Variants in DAB1 observed in about 807,000 individuals in gnomAD.
DAB1 encodes DAB adaptor protein 1, also known as disabled homolog 1.
Under a neutral mutation model 64.6 loss-of-function variants are expected in DAB1, and 15 were observed. The ratio of observed to expected loss-of-function variants is 0.23; its 90% CI spans 0.16 to 0.36. The LOEUF is 0.36. Ranked by LOEUF, DAB1 falls within the 10% of genes least tolerant of loss-of-function variation. DAB1 has a pLI of 1.00. For missense variants in DAB1, 596 were observed against 706.7 expected (o/e 0.84, Z 1.78); for synonymous variants, 235 against 251.9 (o/e 0.93, Z 0.64).
At chr1:57,195,172 A>T (rs1013621995) in intron 2 of DAB1, among the ~76,000 whole-genome samples, 1 of 152,080 alleles carries the variant, frequency 6.6e-6, no homozygotes, top group African/African-American at 2.4e-5. Context: ...TCCTTCATCC[A>T]TCCATCATGT....
rs577202582 is a variant in DAB1 at position 58,432,229 on chromosome 1, G to A, written n.257+73831C>T. ...TGTGAATCTCTCTTTCTTAGGGATG[G>A]GAGGAACCCTCCCCTAGACACTCCA... On this transcript the variant is annotated intron_variant and non_coding_transcript_variant, in intron 3 of 20. Coordinates refer to the DAB1 transcript ENST00000485760. Among the ~76,000 whole-genome samples, 24 of 152,202 alleles carry A rather than the reference G, an allele frequency of 1.6e-4. No individual in the cohort carries two copies. In the South Asian group the frequency reaches 5.0e-3, roughly 32 times the overall value.
intron 4 of DAB1, among the ~76,000 whole-genome samples, chr1:57,112,641 A>G (rs996659019): frequency 1.4e-4 from 21 of 152,210 alleles, no homozygotes; most frequent in African/African-American, 5.1e-4. Flanking sequence ...TCCTTTGCAC[A>G]TGAGCTTTCA....
intron 2 of DAB1, among the ~76,000 whole-genome samples, chr1:57,230,085 T>G (rs1667555363): frequency 6.6e-6 from 1 of 152,200 alleles, no homozygotes; most frequent in Non-Finnish European, 1.5e-5. Flanking sequence ...AAATTTCAGT[T>G]CTGAACTCAA....
intron 7 of DAB1, among the ~76,000 whole-genome samples, chr1:57,561,306 C>T (rs965935217): frequency 6.6e-6 from 1 of 152,170 alleles, no homozygotes; most frequent in African/African-American, 2.4e-5. Flanking sequence ...CCCTGAAGGA[C>T]AGCAGTGAAG....
Position 57,258,276 on chromosome 1 carries a change from A to G in DAB1, c.67+32688T>C, listed in dbSNP as rs540635310. Among the ~76,000 whole-genome samples, 4 of 152,270 alleles carry G rather than the reference A, an allele frequency of 2.6e-5. No individual in the cohort carries two copies. In the South Asian group the frequency reaches 6.2e-4, roughly 24 times the overall value. ...GGAAACTGGGGCTCAGGGAAGAGAG[A>G]TTCTCACCAAAGGTCACACAGTAAG... On this transcript the variant is annotated intron_variant, in intron 2 of 14. Coordinates refer to ENST00000371236, the MANE Select transcript of DAB1 (RefSeq NM_001365792.1).
chr1:57,585,519 G>C (rs1645368631), intron 7 of DAB1, among the ~76,000 whole-genome samples: 2 of 152,128 alleles, frequency 1.3e-5, no homozygotes, highest in Non-Finnish European at 2.9e-5. Flanking sequence ...CATGAGCCAA[G>C]TAGTCTTCTT....
chr1:58,167,548 T>A (rs1417192566), intron 4 of DAB1, among the ~76,000 whole-genome samples: 1 of 152,260 alleles, frequency 6.6e-6, no homozygotes, highest in Non-Finnish European at 1.5e-5. Context: ...GAATAAAAGC[T>A]GGCCACCCAA....
intron 2 of DAB1, among the ~76,000 whole-genome samples, chr1:57,274,618 T>C (rs897619740): frequency 2.6e-5 from 4 of 152,240 alleles, no homozygotes; most frequent in African/African-American, 9.6e-5. Context: ...TCTTGCTCTG[T>C]TGCCCAGGCT....
intron 5 of DAB1, among the ~76,000 whole-genome samples, chr1:57,942,436 T>C (rs1272252324): frequency 6.6e-6 from 1 of 152,218 alleles, no homozygotes; most frequent in Non-Finnish European, 1.5e-5. Context: ...GGATTAAAGC[T>C]GATTTCTAAA....
At chr1:57,800,923 A>C (rs1651096239) in intron 6 of DAB1, among the ~76,000 whole-genome samples, 1 of 152,182 alleles carries the variant, frequency 6.6e-6, no homozygotes, top group African/African-American at 2.4e-5. Flanking sequence ...TTATTCATCT[A>C]TATACACAGG....
intron 7 of DAB1, among the ~76,000 whole-genome samples, chr1:57,438,394 GT>G (rs897496588): frequency 2.0e-5 from 3 of 150,674 alleles, no homozygotes; most frequent in Admixed American, 6.6e-5. Flanking sequence ...ATAGTGGTTT[GT>G]TTTTTTTTCC....
At chr1:57,981,670 T>C (rs748438001) in intron 5 of DAB1, among the ~76,000 whole-genome samples, 7 of 152,192 alleles carry the variant, frequency 4.6e-5, no homozygotes, top group Non-Finnish European at 1.0e-4. Flanking sequence ...CCAAATAGTA[T>C]CATGGATATC....
intron 1 of DAB1, among the ~76,000 whole-genome samples, chr1:57,409,680 G>A (rs1460049662): frequency 6.6e-6 from 1 of 152,074 alleles, no homozygotes; most frequent in East Asian, 1.9e-4. Flanking sequence ...ATGGTGGTGG[G>A]TGCCTGTAAT....
At chr1:57,897,839 C>G (rs568623313) in intron 5 of DAB1, among the ~76,000 whole-genome samples, 9 of 152,176 alleles carry the variant, frequency 5.9e-5, no homozygotes. Flanking sequence ...AAGTGGCTTG[C>G]CAGCAGCTAC....
intron 3 of DAB1, among the ~76,000 whole-genome samples, chr1:58,502,226 G>T (rs968952380): frequency 6.6e-6 from 1 of 152,168 alleles, no homozygotes; most frequent in African/African-American, 2.4e-5. Context: ...ATCAAAATTT[G>T]TGTTCTAATC....
intron 3 of DAB1, among the ~76,000 whole-genome samples, chr1:58,475,128 G>A (rs561553860): frequency 2.3e-4 from 35 of 152,184 alleles, no homozygotes; most frequent in Non-Finnish European, 4.0e-4. Flanking sequence ...GACAAGAGCC[G>A]TAATGGATTA....
At chr1:57,176,318 A>C (rs1467405114) in intron 2 of DAB1, among the ~76,000 whole-genome samples, 1 of 152,186 alleles carries the variant, frequency 6.6e-6, no homozygotes, top group Non-Finnish European at 1.5e-5. Context: ...CCTCACAGTC[A>C]TGATGGAAGG....
chr1:58,046,154 C>T (rs1647247732), intron 5 of DAB1, among the ~76,000 whole-genome samples: 1 of 152,058 alleles, frequency 6.6e-6, no homozygotes, highest in Admixed American at 6.5e-5. Context: ...TGGTAGATAC[C>T]AGAGACAGAA....
chr1:57,057,610 T>TC (rs1649908439), intron 9 of DAB1, among the ~76,000 whole-genome samples: 1 of 146,140 alleles, frequency 6.8e-6, no homozygotes, highest in African/African-American at 2.5e-5. Context: ...CACTGATTCT[T>TC]TTTTTTTTTT....
Sources: allele counts gnomAD v4.1 joint callset (sites outside exome capture counted in the v4.1 genomes callset), GRCh38; gene constraint gnomAD v4.1.1; transcripts MANE v1.5; gene names NCBI Gene and HGNC (gene_info 2026-07-23, HGNC 2026-07-21).